The following ZNF410 variants were observed in gnomAD, a reference collection of about 807,000 sequenced individuals.
The protein encoded by ZNF410 is zinc finger protein 410, also known as another partner for ARF 1.
ZNF410 carries 18 observed loss-of-function variants against 54.8 expected under a neutral mutation model. That is an observed-to-expected ratio of 0.33 (90% CI 0.23 to 0.49). The LOEUF (loss-of-function observed/expected upper bound fraction) is 0.49, where lower values mean the gene tolerates loss of function less well. Among genes scored for constraint, ZNF410 ranks in the 20% least tolerant of loss-of-function variants. ZNF410 has a pLI of 0.99. For missense variants in ZNF410, 405 were observed against 569.6 expected (o/e 0.71, Z 2.94); for synonymous variants, 191 against 207.3 (o/e 0.92, Z 0.68).
At chr14:73,898,926 A>C (rs2055364143) in intron 5 of ZNF410, among the ~76,000 whole-genome samples, 1 of 152,210 alleles carries the variant, frequency 6.6e-6, no homozygotes, top group Non-Finnish European at 1.5e-5. Context: ...TGAGTCAAAA[A>C]CTTGGTTCTG....
In ZNF410 at chr14:73,923,396, G is replaced by A. The variant is rs183435703; in HGVS notation, c.1272G>A (p.Glu424=). 9.3e-6 allele frequency: 15 copies of A among 1,612,654 alleles called. No homozygotes were observed. The highest frequency in any genetic ancestry group is 1.3e-5 in the African/African-American group (1 of 74,964). The stretch of plus-strand genomic sequence containing the variant: ...AAACATTTTTCTGTTGCTTCACAGA[G>A]GTGCTTGCTGAAGGATCCCCACGTT... ...NTNSILGVDD[E]VLAEGSPRSL... Residue 424 remains glutamate, a splice_region_variant and synonymous_variant, in exon 11 of 12, where the codon GAG becomes GAA. Transcript: ENST00000555044.
chr14:73,931,418 T>C, intron 11 of ZNF410, 85 bp from the exon 12 acceptor site: 1 of 1,226,604 alleles, frequency 8.2e-7, no homozygotes, highest in Non-Finnish European at 1.2e-6. Flanking sequence ...TTCTCCATCC[T>C]CCACTCTTAA....
At chr14:73,915,235 C>T (rs1739309675) in intron 8 of ZNF410, among the ~76,000 whole-genome samples, 1 of 136,940 alleles carries the variant, frequency 7.3e-6, no homozygotes, top group African/African-American at 2.7e-5. Context: ...GCACTCTAGC[C>T]TGGGTGATAG....
rs760042513 is a variant in ZNF410 at position 73,921,076 on chromosome 14, C to A, written c.1100C>A (p.Ala367Glu). ...AGAAAGCATCACCTGCAGCTGGGAG[C>A]AGCTGGGAGTCAAGAGCAGGAGCAA... is the stretch of plus-strand genomic sequence containing the variant. The part of the protein sequence containing the change: ...HMRKHHLQLG[A>E]AGSQEQEQTA... The change falls in exon 9 of 12, where the codon GCA becomes GAA. Residue 367 changes from alanine (A) to glutamate (E), a missense_variant. Transcript: ENST00000555044. 6.2e-6 allele frequency: 10 copies of A among 1,614,052 alleles called. No individual in the cohort carries two copies. In the Admixed American group the frequency reaches 1.5e-4, roughly 24 times the overall value.
chr14:73,901,421 T>A (rs778776562), intron 5 of ZNF410, among the ~76,000 whole-genome samples: 2 of 138,260 alleles, frequency 1.4e-5, no homozygotes, highest in East Asian at 4.1e-4. Flanking sequence ...TTCTGAGGGA[T>A]TTTTTTTTTT....
intron 8 of ZNF410, among the ~76,000 whole-genome samples, chr14:73,910,235 A>G (rs918336387): frequency 6.6e-6 from 1 of 152,210 alleles, no homozygotes; most frequent in African/African-American, 2.4e-5. Flanking sequence ...CTGAAGATTT[A>G]TCTGGCAGTG....
At chr14:73,918,998 T>C (rs2055714057) in intron 8 of ZNF410, among the ~76,000 whole-genome samples, 1 of 32,246 alleles carries the variant, frequency 3.1e-5, no homozygotes, top group South Asian at 1.7e-3. Context: ...GTGCCCGGCC[T>C]TTTTTTTTTT....
intron 11 of ZNF410, among the ~76,000 whole-genome samples, chr14:73,927,476 C>G (rs1746620837): frequency 6.6e-6 from 1 of 152,158 alleles, no homozygotes; most frequent in African/African-American, 2.4e-5. Flanking sequence ...TTTCTTTTAC[C>G]TAGTACACAT....
At chr14:73,904,361 A>T (rs2055450540) in intron 6 of ZNF410, among the ~76,000 whole-genome samples, 2 of 152,250 alleles carry the variant, frequency 1.3e-5, no homozygotes, top group Non-Finnish European at 2.9e-5. Context: ...ATTATAAAAC[A>T]TATTTCCTTT....
chr14:73,917,923 C>A (rs1033074396), intron 8 of ZNF410, among the ~76,000 whole-genome samples: 2 of 152,106 alleles, frequency 1.3e-5, no homozygotes, highest in African/African-American at 2.4e-5. Flanking sequence ...CCCACAGATA[C>A]CAAAATCCAC....
rs1416789590 is a variant in ZNF410, at chr14:73,924,564, A to G, written c.1398+1042A>G. ...TGGTCTTGTGTCATGGGAGTGGATG[A>G]CTTCATCACGAGCACATTTCATATG... is the stretch of plus-strand genomic sequence containing the variant. On this transcript the variant is annotated intron_variant, in intron 11 of 11. Coordinates refer to ENST00000555044, the MANE Select transcript of ZNF410 (RefSeq NM_021188.3). The G allele has an allele frequency of 9.1e-5, 33 of 362,950 alleles. No homozygotes were observed. The Admixed American group carries it at 1.2e-3, about 13-fold the overall frequency. 22.5% of individuals were successfully genotyped at this position (362,950 alleles called of 1,614,324 possible). A position where few individuals can be genotyped will look rare whatever the true frequency, so the allele number is the denominator to read the frequency against.
intron 4 of ZNF410, among the ~76,000 whole-genome samples, chr14:73,896,975 G>A (rs947881456): frequency 6.6e-6 from 1 of 152,156 alleles, no homozygotes; most frequent in African/African-American, 2.4e-5. Context: ...AAACAGAAAA[G>A]AAGGCAAGTC....
intron 8 of ZNF410, among the ~76,000 whole-genome samples, chr14:73,919,371 T>C (rs1416748423): frequency 6.6e-6 from 1 of 152,044 alleles, no homozygotes; most frequent in East Asian, 1.9e-4. Context: ...ATGCTGAAGT[T>C]TGGGCTACTA....
Position 73,904,006 on chromosome 14 carries a change from T to C in ZNF410, c.627T>C (p.Ser209=), listed in dbSNP as rs772949144. The C allele has an allele frequency of 1.2e-6, 2 of 1,614,116 alleles. No homozygotes were observed. Among genetic ancestry groups the C allele is most frequent in the Non-Finnish European group, 1.7e-6 (2 of 1,180,056 alleles). ...CTGGTGATGGGCAGTCAAAAGATTC[T>C]GGGCCCCTTCCTCAAGTGGAAAAGA... The part of the protein sequence containing the change: ...LGSGDGQSKD[S]GPLPQVEKKL... The change falls in exon 6 of 12, where the codon TCT becomes TCC. Residue 209 remains serine (S), a synonymous_variant. Transcript: ENST00000555044.
intron 1 of ZNF410, among the ~76,000 whole-genome samples, chr14:73,887,818 T>C (rs1399090970): frequency 6.6e-6 from 1 of 152,194 alleles, no homozygotes; most frequent in Non-Finnish European, 1.5e-5. Context: ...TAAGTAGATG[T>C]CTAATTTTTG....
chr14:73,920,633 T>A (rs959170553), intron 8 of ZNF410: 1 of 192,764 alleles, frequency 5.2e-6, no homozygotes, highest in East Asian at 1.4e-4. Context: ...ATTGAAATCC[T>A]TGAGGAAAGC....
intron 8 of ZNF410, among the ~76,000 whole-genome samples, chr14:73,910,861 CAAAAAA>C (rs540690694): frequency 1.5e-5 from 1 of 68,610 alleles, no homozygotes; most frequent in Non-Finnish European, 3.2e-5. Flanking sequence ...GACCCTGTCT[CAAAAAA>C]AAAAAAAAAA....
At position 73,897,937 on chromosome 14, in the gene ZNF410, A is replaced by G. The variant is rs1026321518; in HGVS notation, c.389-134A>G. The G allele has an allele frequency of 8.8e-6, 7 of 794,826 alleles. No homozygotes were observed. The African/African-American group carries it at 9.5e-5, about 11-fold the overall frequency. 49.2% of individuals were successfully genotyped at this position (794,826 alleles called of 1,614,324 possible). On this transcript the variant is annotated intron_variant, in intron 4 of 11. Coordinates refer to ENST00000555044, the MANE Select transcript of ZNF410 (RefSeq NM_021188.3). ...CAGTAAGCCGAGATTGCGCCACTGC[A>G]CTCCAGCCTGGGTGACAGAGCGAGA... is the stretch of plus-strand genomic sequence containing the variant.
intron 11 of ZNF410, among the ~76,000 whole-genome samples, chr14:73,928,617 A>G (rs912028985): frequency 5.9e-5 from 9 of 152,162 alleles, no homozygotes; most frequent in African/African-American, 1.9e-4. Flanking sequence ...GCCCACTTAC[A>G]GCCTCAGGGA....
Sources: allele counts gnomAD v4.1 joint callset (sites outside exome capture counted in the v4.1 genomes callset), GRCh38; gene constraint gnomAD v4.1.1; transcripts MANE v1.5; gene names NCBI Gene and HGNC (gene_info 2026-07-23, HGNC 2026-07-21).